CDKAL1: variants seen among roughly 807,000 people sequenced by gnomAD.
The protein encoded by CDKAL1 is CDKAL1 threonylcarbamoyladenosine tRNA methylthiotransferase, also known as threonylcarbamoyladenosine tRNA methylthiotransferase.
Under a neutral mutation model 68.2 loss-of-function variants are expected in CDKAL1, and 32 were observed. That is an observed-to-expected ratio of 0.47 (90% CI 0.35 to 0.63). The LOEUF (loss-of-function observed/expected upper bound fraction) is 0.63, where lower values mean the gene tolerates loss of function less well. CDKAL1 is among the 30% of genes least tolerant of loss of function. The pLI is 0.00. For synonymous variants in CDKAL1, 234 were observed against 244.3 expected, an observed-to-expected ratio of 0.96 and a Z score of 0.39; for missense variants, 606 against 696.7, an observed-to-expected ratio of 0.87 and a Z score of 1.47.
chr6:21,224,182 A>G (rs1406409917), intron 15 of CDKAL1, among the ~76,000 whole-genome samples: 1 of 152,202 alleles, frequency 6.6e-6, no homozygotes. Flanking sequence ...ATGTTACCTT[A>G]CATGGCAAAA....
At chr6:20,899,302 A>T (rs1761853647) in intron 9 of CDKAL1, among the ~76,000 whole-genome samples, 1 of 151,876 alleles carries the variant, frequency 6.6e-6, no homozygotes, top group Admixed American at 6.6e-5. Flanking sequence ...TGACCTCGTG[A>T]TCCACCTGCC....
chr6:21,178,586 T>C (rs895620643), intron 13 of CDKAL1, among the ~76,000 whole-genome samples: 1 of 152,186 alleles, frequency 6.6e-6, no homozygotes, highest in Admixed American at 6.5e-5. Context: ...TGAAAGGTGA[T>C]CTTGTTAAAA....
intron 8 of CDKAL1, among the ~76,000 whole-genome samples, chr6:20,807,884 T>C (rs1478236204): frequency 6.6e-6 from 1 of 152,204 alleles, no homozygotes. Flanking sequence ...AGTAAATTTC[T>C]GTACTTCAAA....
rs1439142961 is a variant in CDKAL1 at position 21,079,154 on chromosome 6, A to G, written c.1236+13926A>G. Among the ~76,000 whole-genome samples the G allele has an allele frequency of 2.0e-5, 3 of 152,136 alleles. No individual in the cohort carries two copies. In the East Asian group the frequency reaches 5.8e-4, roughly 29 times the overall value. The stretch of plus-strand genomic sequence containing the variant: ...CATTCCCATTGGGGCGGTGAGATAT[A>G]TTTTTGTTTGTTTGTTTGTTTTTGA... On this transcript the variant is annotated intron_variant, in intron 12 of 15. Transcript: ENST00000274695.
At chr6:20,635,151 T>C (rs1432003826) in intron 4 of CDKAL1, among the ~76,000 whole-genome samples, 1 of 152,178 alleles carries the variant, frequency 6.6e-6, no homozygotes, top group African/African-American at 2.4e-5. Flanking sequence ...CAGTCCTGTT[T>C]TGTATTGCAT....
At chr6:20,782,313 C>T (rs1373602335) in intron 8 of CDKAL1, among the ~76,000 whole-genome samples, 1 of 152,174 alleles carries the variant, frequency 6.6e-6, no homozygotes, top group Non-Finnish European at 1.5e-5. Flanking sequence ...CAGCATCTGG[C>T]CTTCAGCGTT....
intron 4 of CDKAL1, among the ~76,000 whole-genome samples, chr6:20,618,919 T>TCCA (rs1767053683): frequency 6.6e-6 from 1 of 152,194 alleles, no homozygotes; most frequent in African/African-American, 2.4e-5. Flanking sequence ...GCTCAAGCAG[T>TCCA]CCACCCTCCT....
intron 8 of CDKAL1, among the ~76,000 whole-genome samples, chr6:20,823,563 T>C (rs1055351049): frequency 2.0e-5 from 3 of 152,218 alleles, no homozygotes; most frequent in African/African-American, 4.8e-5. Context: ...AAACATGCTC[T>C]GTGAGGCTGA....
intron 13 of CDKAL1, among the ~76,000 whole-genome samples, chr6:21,164,235 T>G (rs1430104370): frequency 6.6e-6 from 1 of 152,100 alleles, no homozygotes; most frequent in South Asian, 2.1e-4. Context: ...TTTGAAATTT[T>G]AAAAAATTAT....
chr6:20,935,243 A>G (rs1015777569), intron 9 of CDKAL1, among the ~76,000 whole-genome samples: 1 of 151,878 alleles, frequency 6.6e-6, no homozygotes, highest in Admixed American at 6.6e-5. Flanking sequence ...TTTTATTGCT[A>G]ATGACTTTTA....
chr6:21,167,758 A>C (rs1777210596), intron 13 of CDKAL1, among the ~76,000 whole-genome samples: 1 of 152,230 alleles, frequency 6.6e-6, no homozygotes, highest in Non-Finnish European at 1.5e-5. Flanking sequence ...CCAGTGAAAT[A>C]AATCAGGAGA....
intron 10 of CDKAL1, among the ~76,000 whole-genome samples, chr6:20,972,524 G>C (rs556736961): frequency 6.6e-6 from 1 of 152,188 alleles, no homozygotes. Flanking sequence ...GAAACAGAAA[G>C]CAGGATAAAC....
chr6:20,789,457 A>G (rs1298134229), intron 8 of CDKAL1, among the ~76,000 whole-genome samples: 1 of 152,212 alleles, frequency 6.6e-6, no homozygotes, highest in Non-Finnish European at 1.5e-5. Context: ...AAGCTTGGAC[A>G]GTATTAGGAG....
At chr6:21,213,324 G>A (rs983116077) in intron 15 of CDKAL1, among the ~76,000 whole-genome samples, 1 of 152,224 alleles carries the variant, frequency 6.6e-6, no homozygotes, top group East Asian at 1.9e-4. Context: ...ATGTGGAGTG[G>A]GGGGCATGGT....
chr6:21,162,920 C>T (rs1301482279), intron 13 of CDKAL1, among the ~76,000 whole-genome samples: 1 of 151,648 alleles, frequency 6.6e-6, no homozygotes, highest in Non-Finnish European at 1.5e-5. Context: ...GCCTGGGCAA[C>T]ACAGCAAGAA....
chr6:20,917,498 T>C (rs1762772037), intron 9 of CDKAL1, among the ~76,000 whole-genome samples: 1 of 152,244 alleles, frequency 6.6e-6, no homozygotes, highest in South Asian at 2.1e-4. Flanking sequence ...CTTATGGTTA[T>C]ATTTATATCA....
intron 12 of CDKAL1, among the ~76,000 whole-genome samples, chr6:21,090,093 T>C (rs764637516): frequency 9.2e-5 from 14 of 152,232 alleles, no homozygotes; most frequent in Non-Finnish European, 1.5e-4. Context: ...GATGTCTTTG[T>C]AGCTATAAGT....
chr6:21,009,650 G>C (rs572209722), intron 11 of CDKAL1, among the ~76,000 whole-genome samples: 1 of 152,266 alleles, frequency 6.6e-6, no homozygotes, highest in East Asian at 1.9e-4. Flanking sequence ...GCACACACCA[G>C]AATACTATTC....
At position 20,852,929 on chromosome 6, in the gene CDKAL1, A is replaced by G. The variant is rs185074952; in HGVS notation, c.742+6751A>G. Among the ~76,000 whole-genome samples the G allele has an allele frequency of 1.1e-3, 175 of 152,344 alleles. 3 individuals carry two copies. Among genetic ancestry groups the G allele is most frequent in the Non-Finnish European group, 1.3e-3 (91 of 68,034 alleles). ...ATTTAAGGTATTCCTGAACACTGCA[A>G]TCCAGGAGTGGTGAAGGTTTCCTTC... On this transcript the variant is annotated intron_variant, in intron 9 of 15. Coordinates refer to ENST00000274695, the MANE Select transcript of CDKAL1 (RefSeq NM_017774.3).
Sources: gnomAD v4.1 joint callset for allele counts (sites outside exome capture counted in the v4.1 genomes callset) on GRCh38, gnomAD v4.1.1 for gene constraint, MANE v1.5 for transcripts, NCBI Gene and HGNC (gene_info 2026-07-23, HGNC 2026-07-21) for gene names.